The following ABTB2 variants were observed in gnomAD, a reference collection of about 807,000 sequenced individuals.
ABTB2 encodes the protein ankyrin repeat and BTB domain containing 2.
A neutral mutation model predicts 104.1 loss-of-function variants in ABTB2; 56 were observed. The ratio of observed to expected loss-of-function variants is 0.54; its 90% CI spans 0.43 to 0.67. ABTB2 has a LOEUF of 0.67. Among genes scored for constraint, ABTB2 ranks in the 30% least tolerant of loss-of-function variants. The pLI, the probability that ABTB2 is intolerant of heterozygous loss-of-function variation, is 0.00. For synonymous variants in ABTB2, 606 were observed against 608.2 expected, an observed-to-expected ratio of 1.00 and a Z score of 0.05; for missense variants, 1,279 against 1,407.7, an observed-to-expected ratio of 0.91 and a Z score of 1.46.
chr11:34,195,077 G>A (rs950210109), intron 3 of ABTB2, among the ~76,000 whole-genome samples: 4 of 97,212 alleles, frequency 4.1e-5, no homozygotes, highest in East Asian at 6.4e-4. Context: ...ATGCCCGGCG[G>A]GGGGGGGGAG....
intron 1 of ABTB2, among the ~76,000 whole-genome samples, chr11:34,251,197 A>C (rs1002830770): frequency 6.6e-6 from 1 of 152,158 alleles, no homozygotes; most frequent in Non-Finnish European, 1.5e-5. Flanking sequence ...TTCTGTGACA[A>C]CCAACACCAA....
At chr11:34,270,119 T>C (rs1401275143) in intron 1 of ABTB2, among the ~76,000 whole-genome samples, 1 of 152,182 alleles carries the variant, frequency 6.6e-6, no homozygotes, top group East Asian at 1.9e-4. Flanking sequence ...CAAGTCAGCA[T>C]GTAGTTCCCC....
In ABTB2 at chr11:34,258,805, T is replaced by G. The variant is rs528543173; in HGVS notation, c.884-54115A>C. On this transcript the variant is annotated intron_variant, in intron 1 of 16. Coordinates refer to ENST00000435224, the MANE Select transcript of ABTB2 (RefSeq NM_145804.3). The stretch of plus-strand genomic sequence containing the variant: ...TAGTAGAGACGGGGTTTCACCATGT[T>G]GGCCAGGCTGGTCTCAAACTCCTGA... Among the ~76,000 whole-genome samples the G allele has an allele frequency of 2.0e-3, 305 of 152,180 alleles. 1 individual carries two copies. The highest frequency in any genetic ancestry group is 7.2e-3 in the African/African-American group (298 of 41,498).
Position 34,228,650 on chromosome 11 carries a change from T to A in ABTB2, c.884-23960A>T, listed in dbSNP as rs534128078. ...GCCTCAGCCTCCCAAAATGCTGAGA[T>A]TACAGCATGTGCCACCGCACCCAGC... On this transcript the variant is annotated intron_variant, in intron 1 of 16. Transcript: ENST00000435224. Among the ~76,000 whole-genome samples the A allele has an allele frequency of 3.9e-5, 6 of 152,278 alleles. No homozygotes were observed. In the South Asian group the frequency reaches 1.2e-3, roughly 32 times the overall value.
intron 1 of ABTB2, among the ~76,000 whole-genome samples, chr11:34,272,853 G>GT (rs1240737765): frequency 6.6e-6 from 1 of 151,920 alleles, no homozygotes; most frequent in Non-Finnish European, 1.5e-5. Flanking sequence ...CAGAGCTGTG[G>GT]TTAAGTGTAC....
At chr11:34,251,944 T>C (rs1435086828) in intron 1 of ABTB2, among the ~76,000 whole-genome samples, 1 of 152,188 alleles carries the variant, frequency 6.6e-6, no homozygotes, top group Non-Finnish European at 1.5e-5. Context: ...TGGAGGAGAC[T>C]TTCCTCACCC....
Position 34,172,370 on chromosome 11 carries a change from TCAAAAAAA to T in ABTB2, c.1397+777_1397+784del, listed in dbSNP as rs1419703964. 1.1e-4 allele frequency among the ~76,000 whole-genome samples: 4 copies of T among 34,982 alleles called. 1 individual carries two copies. The highest frequency in any genetic ancestry group is 4.6e-4 in the African/African-American group (4 of 8,714). 22.9% of individuals were successfully genotyped at this position (34,982 alleles called of 152,430 possible). ...CTGGGCAACAGAGTGAAACTCTGTC[TCAAAAAAA>T]AAAAAAAAAAAAAAAAAATATATAT... On this transcript the variant is annotated intron_variant, in intron 4 of 16. Transcript: ENST00000435224.
At chr11:34,322,040 T>C (rs1329285063) in intron 1 of ABTB2, among the ~76,000 whole-genome samples, 4 of 152,212 alleles carry the variant, frequency 2.6e-5, no homozygotes, top group Non-Finnish European at 5.9e-5. Flanking sequence ...GATTTCTGAA[T>C]ATCCCTCTGG....
At chr11:34,335,350 C>T in intron 1 of ABTB2, 2 of 924,982 alleles carry the variant, frequency 2.2e-6, no homozygotes, top group African/African-American at 3.2e-5. Context: ...GCCCAATATC[C>T]CTCAGCACAA....
intron 1 of ABTB2, among the ~76,000 whole-genome samples, chr11:34,210,542 C>T (rs759222416): frequency 5.3e-5 from 8 of 152,174 alleles, no homozygotes; most frequent in Non-Finnish European, 7.4e-5. Context: ...AAAAAGCCAC[C>T]AAGACTGTAA....
chr11:34,340,070 C>CAAAAACA (rs1855244439), intron 1 of ABTB2, among the ~76,000 whole-genome samples: 1 of 124,588 alleles, frequency 8.0e-6, no homozygotes, highest in Non-Finnish European at 1.7e-5. Flanking sequence ...CAAACAAAAA[C>CAAAAACA]AAAAAAAGAA....
intron 1 of ABTB2, among the ~76,000 whole-genome samples, chr11:34,350,461 A>G (rs1055405748): frequency 6.6e-6 from 1 of 152,190 alleles, no homozygotes; most frequent in Non-Finnish European, 1.5e-5. Context: ...TGACACTTAT[A>G]AAGGCCCTCC....
At chr11:34,349,882 T>G (rs1855378057) in intron 1 of ABTB2, among the ~76,000 whole-genome samples, 1 of 152,160 alleles carries the variant, frequency 6.6e-6, no homozygotes, top group Admixed American at 6.5e-5. Flanking sequence ...GTGAAACAAC[T>G]TGCCCAGGGT....
intron 1 of ABTB2, among the ~76,000 whole-genome samples, chr11:34,214,599 G>C (rs938557029): frequency 7.6e-5 from 11 of 145,150 alleles, no homozygotes; most frequent in African/African-American, 2.8e-4. Context: ...GAGTGCAGTG[G>C]TGCAATCTCA....
intron 1 of ABTB2, among the ~76,000 whole-genome samples, chr11:34,341,585 T>C (rs146093007): frequency 1.4e-4 from 22 of 152,328 alleles, no homozygotes; most frequent in African/African-American, 5.1e-4. Context: ...GAAATGTGAC[T>C]TGCATGACTG....
At chr11:34,243,236 T>TA (rs1362061178) in intron 1 of ABTB2, among the ~76,000 whole-genome samples, 2 of 152,216 alleles carry the variant, frequency 1.3e-5, no homozygotes, top group Non-Finnish European at 2.9e-5. Flanking sequence ...ATCTTGCTTC[T>TA]GCACAAGGAC....
chr11:34,351,461 C>T lies in ABTB2; in HGVS notation c.883+5240G>A, dbSNP rs1040693013. Among the ~76,000 whole-genome samples, 3 of 152,190 alleles carry T rather than the reference C, an allele frequency of 2.0e-5. No individual in the cohort carries two copies. In the East Asian group the frequency reaches 5.8e-4, roughly 29 times the overall value. On this transcript the variant is annotated intron_variant, in intron 1 of 16. Transcript: ENST00000435224. ...CATTCTCCTAAACTGAAAATTCCCC[C>T]AACTCACATCTTGCACATCAAAGCC...
At chr11:34,273,583 C>A (rs1248468481) in intron 1 of ABTB2, among the ~76,000 whole-genome samples, 1 of 152,156 alleles carries the variant, frequency 6.6e-6, no homozygotes, top group African/African-American at 2.4e-5. Context: ...TGATGGGCTT[C>A]ATGGCTGAGT....
intron 1 of ABTB2, among the ~76,000 whole-genome samples, chr11:34,289,721 C>T (rs1011101138): frequency 3.3e-5 from 5 of 152,188 alleles, no homozygotes; most frequent in African/African-American, 1.2e-4. Flanking sequence ...GCATGAGACA[C>T]CCTCCGAGGC....
Sources: gnomAD v4.1 joint callset for allele counts (sites outside exome capture counted in the v4.1 genomes callset) on GRCh38, gnomAD v4.1.1 for gene constraint, MANE v1.5 for transcripts, NCBI Gene and HGNC (gene_info 2026-07-23, HGNC 2026-07-21) for gene names.